Variants in PVT1 observed in about 807,000 individuals in gnomAD.
PVT1 encodes the protein Pvt1 oncogene.
chr8:128,012,378 A>T (rs1052003835), intron 4 of PVT1, among the ~76,000 whole-genome samples: 1 of 152,180 alleles, frequency 6.6e-6, no homozygotes, highest in Non-Finnish European at 1.5e-5. Flanking sequence ...TGGTAAATTC[A>T]TCAACATCAA....
chr8:128,083,058 AAGTTCCAGAGCAAG>A (rs1360526220), intron 5 of PVT1, among the ~76,000 whole-genome samples: 1 of 152,222 alleles, frequency 6.6e-6, no homozygotes, highest in Admixed American at 6.5e-5. Flanking sequence ...CTATGTGCCA[AAGTTCCAGAGCAAG>A]AGTTCCTGGG....
chr8:127,937,417 T>A (rs1329914000), intron 3 of PVT1, among the ~76,000 whole-genome samples: 2 of 151,740 alleles, frequency 1.3e-5, no homozygotes, highest in Non-Finnish European at 2.9e-5. Context: ...CCCAGCTAAT[T>A]TTTGTATTTT....
intron 3 of PVT1, among the ~76,000 whole-genome samples, chr8:127,919,064 G>A (rs181613689): frequency 3.3e-5 from 5 of 152,200 alleles, no homozygotes; most frequent in African/African-American, 9.7e-5. Context: ...GGCAGTGCGC[G>A]TTGGGCCTTC....
intron 3 of PVT1, among the ~76,000 whole-genome samples, chr8:127,940,881 T>C (rs750132661): frequency 6.6e-6 from 1 of 152,192 alleles, no homozygotes; most frequent in Non-Finnish European, 1.5e-5. Context: ...TGATTACAGG[T>C]GTGAGCCACT....
chr8:127,834,597 G>A (rs1814888432), intron 2 of PVT1, among the ~76,000 whole-genome samples: 1 of 152,154 alleles, frequency 6.6e-6, no homozygotes, highest in African/African-American at 2.4e-5. Context: ...AAGGGCTTCT[G>A]CACAGCAAAA....
chr8:127,943,042 C>T (rs1340561087), intron 3 of PVT1, among the ~76,000 whole-genome samples: 2 of 152,176 alleles, frequency 1.3e-5, no homozygotes, highest in African/African-American at 4.8e-5. Context: ...AGCCTCTCTC[C>T]TGAGGTCCTG....
At chr8:127,926,989 C>T (rs1046100868) in intron 3 of PVT1, among the ~76,000 whole-genome samples, 9 of 152,186 alleles carry the variant, frequency 5.9e-5, no homozygotes, top group Non-Finnish European at 1.0e-4. Context: ...TTCATTCCCC[C>T]GAACATCCTT....
chr8:128,083,547 G>A (rs909025735), intron 5 of PVT1, among the ~76,000 whole-genome samples: 6 of 152,228 alleles, frequency 3.9e-5, no homozygotes, highest in African/African-American at 9.6e-5. Context: ...CTACCAAGTC[G>A]TGTCAACAAC....
chr8:127,957,002 A>G (rs1297626811), intron 3 of PVT1, among the ~76,000 whole-genome samples: 1 of 152,072 alleles, frequency 6.6e-6, no homozygotes, highest in East Asian at 1.9e-4. Context: ...TATTCTCTCT[A>G]GTGATTAACC....
chr8:127,894,339 G>A (rs2129810911), intron 3 of PVT1, among the ~76,000 whole-genome samples: 1 of 152,306 alleles, frequency 6.6e-6, no homozygotes, highest in South Asian at 2.1e-4. Flanking sequence ...CTTAACAGCT[G>A]GTGTGTATGA....
chr8:127,917,668 C>T (rs1220567078), intron 3 of PVT1, among the ~76,000 whole-genome samples: 2 of 152,268 alleles, frequency 1.3e-5, no homozygotes, highest in South Asian at 2.1e-4. Flanking sequence ...TTTCCTGGAG[C>T]TGCAGGCTGT....
At chr8:127,984,308 C>G (rs1193272912) in intron 3 of PVT1, 1 of 152,176 alleles carries the variant, frequency 6.6e-6, no homozygotes, top group Non-Finnish European at 1.5e-5. Flanking sequence ...CAATGGTCCC[C>G]TATGGCTGCT....
chr8:128,025,228 C>G (rs1414868928), intron 4 of PVT1, among the ~76,000 whole-genome samples: 1 of 152,136 alleles, frequency 6.6e-6, no homozygotes, highest in Non-Finnish European at 1.5e-5. Flanking sequence ...GGTACGGAAG[C>G]AGGATGCCTT....
chr8:128,049,435 C>A lies in PVT1; in HGVS notation n.913-20725C>A, dbSNP rs1036873080. ...AGAGGCAGGCGGGCCCTAGCTGCAG[C>A]GTCAAGGTCTGGGGATTCTGTGGCT... On this transcript the variant is annotated intron_variant and non_coding_transcript_variant, in intron 4 of 10. Coordinates refer to ENST00000651587, the Ensembl canonical transcript of PVT1. Among the ~76,000 whole-genome samples, 8 of 152,182 alleles carry A rather than the reference C, an allele frequency of 5.3e-5. No individual in the cohort carries two copies. The East Asian group carries it at 1.5e-3, about 29-fold the overall frequency.
At chr8:128,007,777 C>T (rs1291108437) in intron 4 of PVT1, among the ~76,000 whole-genome samples, 1 of 152,194 alleles carries the variant, frequency 6.6e-6, no homozygotes, top group Non-Finnish European at 1.5e-5. Flanking sequence ...TTGATGTACT[C>T]CCATCCAGCT....
At chr8:127,959,168 G>A (rs979600082) in intron 3 of PVT1, among the ~76,000 whole-genome samples, 2 of 152,170 alleles carry the variant, frequency 1.3e-5, no homozygotes, top group Non-Finnish European at 2.9e-5. Context: ...TTTACCAAGC[G>A]AACTGATGAC....
chr8:128,091,596 AG>A (rs1226519084), intron 5 of PVT1, among the ~76,000 whole-genome samples: 1 of 152,186 alleles, frequency 6.6e-6, no homozygotes, highest in African/African-American at 2.4e-5. Flanking sequence ...TAGACTCTAG[AG>A]GGATACATGA....
intron 3 of PVT1, among the ~76,000 whole-genome samples, chr8:127,936,380 G>T (rs1020444069): frequency 2.0e-5 from 3 of 152,108 alleles, no homozygotes; most frequent in Admixed American, 1.3e-4. Context: ...CAGAACTGTA[G>T]CCCTGAAGCG....
intron 3 of PVT1, among the ~76,000 whole-genome samples, chr8:127,984,370 G>A (rs1814829844): frequency 6.6e-6 from 1 of 152,202 alleles, no homozygotes; most frequent in Non-Finnish European, 1.5e-5. Flanking sequence ...GGGAAGTAGA[G>A]TGGTTTGTCA....
Sources: allele counts gnomAD v4.1 joint callset (sites outside exome capture counted in the v4.1 genomes callset), GRCh38; gene constraint gnomAD v4.1.1; transcripts MANE v1.5; gene names NCBI Gene and HGNC (gene_info 2026-07-23, HGNC 2026-07-21).